HSPA9: variants seen among roughly 807,000 people sequenced by gnomAD.
The protein encoded by HSPA9 is heat shock protein family A (Hsp70) member 9, also known as stress-70 protein, mitochondrial.
Under a neutral mutation model 81.5 loss-of-function variants are expected in HSPA9, and 28 were observed. That is an observed-to-expected ratio of 0.34 (90% CI 0.25 to 0.47). HSPA9 has a LOEUF of 0.47. Ranked by LOEUF, HSPA9 falls within the 20% of genes least tolerant of loss-of-function variation. HSPA9 has a pLI of 1.00. For synonymous variants in HSPA9, 293 were observed against 290.4 expected, an observed-to-expected ratio of 1.01 and a Z score of -0.09; for missense variants, 678 against 838.0, an observed-to-expected ratio of 0.81 and a Z score of 2.36.
chr5:138,556,933 C>CA, intron 14 of HSPA9, 67 bp from the exon 15 acceptor site: 2 of 1,038,782 alleles, frequency 1.9e-6, no homozygotes. Flanking sequence ...TGTCTATACT[C>CA]AGACAATAAG....
In HSPA9 at chr5:138,559,878, T is replaced by C. The variant is rs1157592299; in HGVS notation, c.1396A>G (p.Thr466Ala). ...KLINRNTTIP[T>A]KKSQVFSTAA... ...ATGGCTCTTACCTGGCTCTTCTTGG[T>C]TGGAATAGTGGTATTCCTATTAATA... Residue 466 changes from threonine to alanine, a missense_variant, in exon 11 of 17, where the codon ACC becomes GCC. By Grantham distance (58) the Thr-to-Ala change is moderately conservative (BLOSUM62 0). This residue lies in a region of HSPA9 where 484 missense variants were observed against 647.5 expected (regional missense o/e 0.75). Transcript: ENST00000297185. The C allele has an allele frequency of 1.9e-6, 3 of 1,611,930 alleles. No individual in the cohort carries two copies. The highest frequency in any genetic ancestry group is 1.3e-5 in the African/African-American group (1 of 75,010).
chr5:138,557,135 A>C (rs1419753627), intron 14 of HSPA9: 1 of 600,788 alleles, frequency 1.7e-6, no homozygotes, highest in African/African-American at 1.9e-5. Flanking sequence ...GGAAGAATAG[A>C]TTATCTTAGG....
chr5:138,572,381 G>A (rs747471580), intron 3 of HSPA9, among the ~76,000 whole-genome samples: 42 of 152,128 alleles, frequency 2.8e-4, no homozygotes, highest in Non-Finnish European at 5.7e-4. Flanking sequence ...TATTAAGAGG[G>A]GTGGGAATGG....
At chr5:138,570,568 CA>C (rs1303093179) in intron 4 of HSPA9, among the ~76,000 whole-genome samples, 10 of 152,150 alleles carry the variant, frequency 6.6e-5, no homozygotes, top group Non-Finnish European at 1.0e-4. Context: ...TCACCGCAAC[CA>C]CCGTCTCCCG....
At chr5:138,560,863 T>G (rs771124803) in intron 10 of HSPA9, 5 of 431,846 alleles carry the variant, frequency 1.2e-5, no homozygotes, top group African/African-American at 2.1e-5. Context: ...GATTTCTTAA[T>G]ATATGAGGCA....
In HSPA9 at chr5:138,554,449, G is replaced by A. The variant is rs888098167; in HGVS notation, c.*1588C>T. Among the ~76,000 whole-genome samples, 21 of 152,208 alleles carry A rather than the reference G, an allele frequency of 1.4e-4. No homozygotes were observed. Among genetic ancestry groups the A allele is most frequent in the African/African-American group, 5.1e-4 (21 of 41,452 alleles). On this transcript the variant is annotated 3_prime_UTR_variant, in exon 17 of 17. Transcript: ENST00000297185. ...CATAATCCTACAATGTTCCCATTGA[G>A]TGTTCATGTGGTTGGAAACCTGAGC...
Position 138,558,656 on chromosome 5 carries a change from A to C in HSPA9, c.1412T>G (p.Val471Gly). The part of the protein sequence containing the change: ...NTTIPTKKSQ[V>G]FSTAADGQTQ... ...TTGACCATCAGCGGCAGTAGAGAATACCTAGGGAAGAAGAAACCCTCCTGG... is the reference window on the plus strand; with the variant it reads ...TTGACCATCAGCGGCAGTAGAGAATCCCTAGGGAAGAAGAAACCCTCCTGG... Residue 471 changes from valine to glycine, a missense_variant and splice_region_variant, in exon 12 of 17, where the codon GTA (valine) becomes GGA (glycine). Coordinates refer to ENST00000297185, the MANE Select transcript of HSPA9 (RefSeq NM_004134.7). 1 of 1,602,552 alleles carries C rather than the reference A, an allele frequency of 6.2e-7. No individual in the cohort carries two copies. The highest frequency in any genetic ancestry group is 1.1e-5 in the South Asian group (1 of 90,880).
At chr5:138,569,638 G>C (rs538863558) in intron 4 of HSPA9, among the ~76,000 whole-genome samples, 9 of 152,132 alleles carry the variant, frequency 5.9e-5, no homozygotes, top group Admixed American at 2.6e-4. Context: ...AGTCATAGAG[G>C]TCCACGCAAC....
In HSPA9 at chr5:138,565,034, C is replaced by T. The variant is rs375503027; in HGVS notation, c.972+1592G>A. 3.9e-5 allele frequency among the ~76,000 whole-genome samples: 6 copies of T among 152,246 alleles called. No homozygotes were observed. In the East Asian group the frequency reaches 7.7e-4, roughly 20 times the overall value. On this transcript the variant is annotated intron_variant, in intron 9 of 16. Coordinates refer to ENST00000297185, the MANE Select transcript of HSPA9 (RefSeq NM_004134.7). ...ATATAATCTGCATGAGGGTAATAAACGCTAAGAATTTATTCTATAGATTTA... is the reference window on the plus strand; with the variant it reads ...ATATAATCTGCATGAGGGTAATAAATGCTAAGAATTTATTCTATAGATTTA...
At chr5:138,556,913 G>T in intron 14 of HSPA9, 47 bp from the exon 15 acceptor site, 2 of 1,339,154 alleles carry the variant, frequency 1.5e-6, no homozygotes, top group Non-Finnish European at 2.2e-6. Context: ...ATCAACCAAA[G>T]TTTGCTGAAT....
In HSPA9 at chr5:138,554,513, G is replaced by A. The variant is rs1337338378; in HGVS notation, c.*1524C>T. On this transcript the variant is annotated 3_prime_UTR_variant, in exon 17 of 17. Coordinates refer to ENST00000297185, the MANE Select transcript of HSPA9 (RefSeq NM_004134.7). The stretch of plus-strand genomic sequence containing the variant: ...CGAATCCCAAGAATCTTTTACATGG[G>A]TGTTAACAAGCACTGAATCTTCCAA... Among the ~76,000 whole-genome samples, 2 of 152,208 alleles carry A rather than the reference G, an allele frequency of 1.3e-5. No individual in the cohort carries two copies. The highest frequency in any genetic ancestry group is 3.8e-4 in the East Asian group (2 of 5,198).
intron 11 of HSPA9, among the ~76,000 whole-genome samples, chr5:138,559,323 A>T (rs1750602347): frequency 6.6e-6 from 1 of 152,092 alleles, no homozygotes; most frequent in Non-Finnish European, 1.5e-5. Context: ...GGCTGGTCTC[A>T]AACTCCTCAG....
rs1580739905 is a variant in HSPA9, at chr5:138,556,195, G to A, written c.1963-81C>T. The A allele has an allele frequency of 2.6e-6, 3 of 1,166,040 alleles. No individual in the cohort carries two copies. In the East Asian group the frequency reaches 7.0e-5, roughly 27 times the overall value. 72.2% of individuals were successfully genotyped at this position (1,166,040 alleles called of 1,614,324 possible). A position where few individuals can be genotyped will look rare whatever the true frequency, so the allele number is the denominator to read the frequency against. ...CTCTTTGTTGCACTCCAAGATGAGG[G>A]ACCCACATATGTCCTCATCATTCAT... On this transcript the variant is annotated intron_variant, in intron 16 of 16. Coordinates refer to ENST00000297185, the MANE Select transcript of HSPA9 (RefSeq NM_004134.7).
intron 3 of HSPA9, among the ~76,000 whole-genome samples, chr5:138,572,379 G>A (rs1580751153): frequency 6.6e-6 from 1 of 152,284 alleles, no homozygotes; most frequent in East Asian, 1.9e-4. Flanking sequence ...ACTATTAAGA[G>A]GGGTGGGAAT....
chr5:138,573,988 AAG>A, intron 2 of HSPA9, 78 bp downstream of exon 2: 6 of 502,134 alleles, frequency 1.2e-5, no homozygotes, highest in African/African-American at 4.1e-5. Flanking sequence ...AATTACAGAG[AAG>A]AATAATCACA....
chr5:138,559,859 C>G lies in HSPA9; in HGVS notation c.1410+5G>C. 6.3e-7 allele frequency: 1 copy of G among 1,592,426 alleles called. No individual in the cohort carries two copies. Among genetic ancestry groups the G allele is most frequent in the Non-Finnish European group, 8.6e-7 (1 of 1,160,382 alleles). On this transcript the variant is annotated splice_donor_5th_base_variant and intron_variant, in intron 11 of 16. Coordinates refer to ENST00000297185, the MANE Select transcript of HSPA9 (RefSeq NM_004134.7). ...TGTGACAAGGTAGGAAGTGATGGCT[C>G]TTACCTGGCTCTTCTTGGTTGGAAT...
chr5:138,556,211 C>T, intron 16 of HSPA9, 97 bp from the exon 17 acceptor site: 1 of 1,097,478 alleles, frequency 9.1e-7, no homozygotes, highest in Non-Finnish European at 1.4e-6. Context: ...CATATGTCCT[C>T]ATCATTCATT....
chr5:138,570,079 A>C (rs1052001661), intron 4 of HSPA9, among the ~76,000 whole-genome samples: 1 of 151,826 alleles, frequency 6.6e-6, no homozygotes, highest in South Asian at 2.1e-4. Flanking sequence ...CTTTTCCCCA[A>C]GTTGTCCAGG....
chr5:138,564,674 C>T (rs1466845322), intron 9 of HSPA9, among the ~76,000 whole-genome samples: 1 of 152,162 alleles, frequency 6.6e-6, no homozygotes, highest in East Asian at 1.9e-4. Flanking sequence ...AAGTGAGGCC[C>T]CTTCTTAAAT....
Sources: allele counts gnomAD v4.1 joint callset (sites outside exome capture counted in the v4.1 genomes callset), GRCh38; gene constraint gnomAD v4.1.1; regional missense constraint gnomAD v4.1.1; transcripts MANE v1.5; gene names NCBI Gene and HGNC (gene_info 2026-07-23, HGNC 2026-07-21).